The following FBXW8 variants were observed in gnomAD, a reference collection of about 807,000 sequenced individuals.
FBXW8 encodes F-box/WD repeat-containing protein 8.
In FBXW8, 57 loss-of-function variants were observed where a neutral mutation model predicts 65.3. The observed-to-expected ratio is 0.87, with a 90% CI of 0.71 to 1.09. FBXW8 has a LOEUF of 1.09. FBXW8 is among the 50% of genes least tolerant of loss of function. FBXW8 has a pLI of 0.00. For synonymous variants in FBXW8, 308 were observed against 330.2 expected, an observed-to-expected ratio of 0.93 and a Z score of 0.73; for missense variants, 777 against 814.8, an observed-to-expected ratio of 0.95 and a Z score of 0.57.
At chr12:116,923,191 G>A (rs1396635937) in intron 1 of FBXW8, among the ~76,000 whole-genome samples, 1 of 152,134 alleles carries the variant, frequency 6.6e-6, no homozygotes, top group African/African-American at 2.4e-5. Flanking sequence ...GGGCGACAGA[G>A]CGAGACTCTG....
At chr12:116,979,969 G>A (rs1885199779) in intron 5 of FBXW8, among the ~76,000 whole-genome samples, 1 of 152,042 alleles carries the variant, frequency 6.6e-6, no homozygotes, top group Non-Finnish European at 1.5e-5. Flanking sequence ...TCTCCAGGTG[G>A]GCATGTTCAT....
rs1954258061 is a variant in FBXW8, at chr12:117,027,406, G to A, written c.1554G>A (p.Gln518=). ...LWEVYSGHPV[Q]HISFSSHSLI... Reference sequence around the variant, plus strand: ...CACTGCCTTCCAGGCACCCGGTGCAGCACATCTCATTCAGCAGCCACAGCC... The same window carrying A: ...CACTGCCTTCCAGGCACCCGGTGCAACACATCTCATTCAGCAGCCACAGCC... The change falls in exon 10 of 11, where the codon CAG becomes CAA. Residue 518 remains glutamine, a synonymous_variant. Coordinates refer to ENST00000652555, the MANE Select transcript of FBXW8 (RefSeq NM_153348.3). The A allele has an allele frequency of 6.2e-7, 1 of 1,613,992 alleles. No individual in the cohort carries two copies. The highest frequency in any genetic ancestry group is 8.5e-7 in the Non-Finnish European group (1 of 1,180,000).
At chr12:116,996,880 A>G (rs777081716) in intron 7 of FBXW8, among the ~76,000 whole-genome samples, 56 of 152,294 alleles carry the variant, frequency 3.7e-4, no homozygotes, top group Middle Eastern at 3.4e-3. Flanking sequence ...CATCTGCCTC[A>G]GGGATTACAG....
At chr12:116,990,313 G>A (rs1953207137) in intron 7 of FBXW8, among the ~76,000 whole-genome samples, 1 of 152,210 alleles carries the variant, frequency 6.6e-6, no homozygotes, top group South Asian at 2.1e-4. Flanking sequence ...TTTGGTTGGG[G>A]CATCTCCGTT....
chr12:116,925,898 C>G lies in FBXW8; in HGVS notation c.319-2125C>G, dbSNP rs897139158. Among the ~76,000 whole-genome samples, 6 of 152,078 alleles carry G rather than the reference C, an allele frequency of 3.9e-5. No individual in the cohort carries two copies. In the South Asian group the frequency reaches 8.3e-4, roughly 21 times the overall value. On this transcript the variant is annotated intron_variant, in intron 1 of 10. Coordinates refer to ENST00000652555, the MANE Select transcript of FBXW8 (RefSeq NM_153348.3). ...GTGGCTTGTTGGTAAGGTGACTGAA[C>G]AGGTGTATCAGTTTGAATCTTTGCT...
intron 9 of FBXW8, among the ~76,000 whole-genome samples, chr12:117,025,502 T>C (rs1366101918): frequency 2.0e-5 from 3 of 152,190 alleles, no homozygotes; most frequent in Non-Finnish European, 4.4e-5. Context: ...ATGGTCTTTA[T>C]GGAAGTGCAA....
At chr12:116,915,681 C>G (rs1880352568) in intron 1 of FBXW8, among the ~76,000 whole-genome samples, 1 of 126,330 alleles carries the variant, frequency 7.9e-6, no homozygotes, top group Non-Finnish European at 1.6e-5. Context: ...GAGATAGAGT[C>G]TTACCCTGTA....
rs557102436 is a variant in FBXW8, at chr12:117,006,762, G to A, written c.1240-3561G>A. Among the ~76,000 whole-genome samples, 21 of 152,330 alleles carry A rather than the reference G, an allele frequency of 1.4e-4. No individual in the cohort carries two copies. The East Asian group carries it at 3.3e-3, about 24-fold the overall frequency. ...CTGGGACTTCTGCATGTCACCCAGC[G>A]TCCCTGCACGTTCATTCCAGTGCCT... On this transcript the variant is annotated intron_variant, in intron 7 of 10. Transcript: ENST00000652555.
chr12:117,017,353 T>C (rs1298915246), intron 8 of FBXW8, among the ~76,000 whole-genome samples: 1 of 152,214 alleles, frequency 6.6e-6, no homozygotes, highest in Non-Finnish European at 1.5e-5. Flanking sequence ...TTGTTAATCT[T>C]GGCCACATAG....
At chr12:116,934,521 A>T (rs1335943491) in intron 2 of FBXW8, among the ~76,000 whole-genome samples, 1 of 152,238 alleles carries the variant, frequency 6.6e-6, no homozygotes, top group Non-Finnish European at 1.5e-5. Context: ...TGGTTTCAAA[A>T]TTACAAATTG....
intron 7 of FBXW8, among the ~76,000 whole-genome samples, chr12:117,008,998 C>A (rs1372847939): frequency 1.3e-5 from 2 of 152,086 alleles, no homozygotes; most frequent in Non-Finnish European, 2.9e-5. Context: ...ACCCGGGAGG[C>A]GGAGCTTGCA....
intron 4 of FBXW8, among the ~76,000 whole-genome samples, chr12:116,956,477 T>G (rs751088685): frequency 6.6e-6 from 1 of 152,168 alleles, no homozygotes; most frequent in Non-Finnish European, 1.5e-5. Flanking sequence ...TATGTTTTTA[T>G]TTTTCTGAGC....
At position 117,010,460 on chromosome 12, in the gene FBXW8, T is replaced by G. The variant is rs755178992; in HGVS notation, c.1367+10T>G. On this transcript the variant is annotated intron_variant, in intron 8 of 10. Transcript: ENST00000652555. ...GCAACATGGACGGGAGGTACGTGAG[T>G]TGGAAGGGCATTGCCTTGCAGCCCC... is the stretch of plus-strand genomic sequence containing the variant. 1.9e-6 allele frequency: 3 copies of G among 1,614,122 alleles called. No homozygotes were observed. The Admixed American group carries it at 5.0e-5, about 27-fold the overall frequency.
chr12:116,948,194 G>T (rs1399872421), intron 3 of FBXW8, among the ~76,000 whole-genome samples: 10 of 152,210 alleles, frequency 6.6e-5, no homozygotes, highest in African/African-American at 2.2e-4. Flanking sequence ...GGTGGCCATA[G>T]TGTTTTTTTT....
At chr12:117,016,843 T>C (rs1369182607) in intron 8 of FBXW8, among the ~76,000 whole-genome samples, 1 of 152,230 alleles carries the variant, frequency 6.6e-6, no homozygotes, top group Non-Finnish European at 1.5e-5. Flanking sequence ...TTCATTCTTT[T>C]CCATGTGGAT....
chr12:117,017,361 T>C (rs916100371), intron 8 of FBXW8, among the ~76,000 whole-genome samples: 5 of 152,334 alleles, frequency 3.3e-5, no homozygotes, highest in East Asian at 1.9e-4. Context: ...CTTGGCCACA[T>C]AGAATTTTAT....
intron 1 of FBXW8, among the ~76,000 whole-genome samples, chr12:116,919,180 T>C (rs866440043): frequency 6.6e-6 from 1 of 152,204 alleles, no homozygotes; most frequent in African/African-American, 2.4e-5. Flanking sequence ...ATCCAACATA[T>C]ATTCATTGAT....
intron 3 of FBXW8, among the ~76,000 whole-genome samples, chr12:116,946,956 G>A (rs1351693077): frequency 1.3e-5 from 2 of 152,086 alleles, no homozygotes; most frequent in African/African-American, 2.4e-5. Flanking sequence ...TTTACAAGCA[G>A]GAGAGTTGGA....
intron 5 of FBXW8, among the ~76,000 whole-genome samples, chr12:116,983,088 C>T (rs574009262): frequency 6.6e-6 from 1 of 152,264 alleles, no homozygotes; most frequent in African/African-American, 2.4e-5. Flanking sequence ...TGAGAGGAGA[C>T]ACACGAGTCT....
Sources: gnomAD v4.1 joint callset for allele counts (sites outside exome capture counted in the v4.1 genomes callset) on GRCh38, gnomAD v4.1.1 for gene constraint, MANE v1.5 for transcripts, NCBI Gene and HGNC (gene_info 2026-07-23, HGNC 2026-07-21) for gene names.